MAML3: variants seen among roughly 807,000 people sequenced by gnomAD.
MAML3 encodes mastermind like transcriptional coactivator 3.
MAML3 carries 27 observed loss-of-function variants against 101.9 expected under a neutral mutation model. That is an observed-to-expected ratio of 0.27 (90% CI 0.20 to 0.37). MAML3 has a LOEUF of 0.37. MAML3 is among the 10% of genes least tolerant of loss of function. MAML3 has a pLI of 1.00. For synonymous variants in MAML3, 501 were observed against 555.9 expected, an observed-to-expected ratio of 0.90 and a Z score of 1.39; for missense variants, 1,316 against 1,444.9, an observed-to-expected ratio of 0.91 and a Z score of 1.45.
chr4:139,925,239 G>A (rs1172972823), intron 1 of MAML3, among the ~76,000 whole-genome samples: 2 of 152,000 alleles, frequency 1.3e-5, no homozygotes, highest in East Asian at 3.9e-4. Context: ...TTGTTTGTTT[G>A]TTTGTTTTGA....
At chr4:139,783,278 C>G (rs1236180814) in intron 2 of MAML3, among the ~76,000 whole-genome samples, 1 of 152,214 alleles carries the variant, frequency 6.6e-6, no homozygotes, top group Non-Finnish European at 1.5e-5. Flanking sequence ...TTTCTTTGCT[C>G]TAACCTCATT....
chr4:140,016,026 A>C (rs1229398782), intron 1 of MAML3, among the ~76,000 whole-genome samples: 2 of 152,208 alleles, frequency 1.3e-5, no homozygotes, highest in African/African-American at 2.4e-5. Flanking sequence ...ATGATTGTGT[A>C]AATGGAAAAT....
chr4:140,151,043 G>A (rs1729155253), intron 1 of MAML3, among the ~76,000 whole-genome samples: 1 of 152,086 alleles, frequency 6.6e-6, no homozygotes, highest in African/African-American at 2.4e-5. Flanking sequence ...CAGCCGCGAT[G>A]AAGCGGGCAG....
intron 4 of MAML3, among the ~76,000 whole-genome samples, chr4:139,724,765 C>T (rs1728395984): frequency 7.0e-6 from 1 of 143,116 alleles, no homozygotes; most frequent in African/African-American, 2.5e-5. Flanking sequence ...CATATAAGAC[C>T]CTCAAGGGTC....
At chr4:139,908,086 T>G (rs769584355) in intron 1 of MAML3, among the ~76,000 whole-genome samples, 2 of 152,328 alleles carry the variant, frequency 1.3e-5, no homozygotes, top group Admixed American at 6.5e-5. Context: ...GGAACTCAGT[T>G]AACTATGCTC....
At chr4:139,910,882 T>C (rs1160549571) in intron 1 of MAML3, among the ~76,000 whole-genome samples, 1 of 152,190 alleles carries the variant, frequency 6.6e-6, no homozygotes, top group African/African-American at 2.4e-5. Context: ...TAATTGTGGT[T>C]AAAATATTAG....
At chr4:140,051,088 T>C (rs900937815) in intron 1 of MAML3, among the ~76,000 whole-genome samples, 8 of 152,222 alleles carry the variant, frequency 5.3e-5, no homozygotes, top group African/African-American at 1.7e-4. Context: ...TGGAAGTCAG[T>C]TATACTTCTC....
At chr4:139,760,398 A>G (rs1393094629) in intron 2 of MAML3, among the ~76,000 whole-genome samples, 1 of 152,334 alleles carries the variant, frequency 6.6e-6, no homozygotes, top group East Asian at 1.9e-4. Flanking sequence ...CTTTGGAATC[A>G]GTCTGCTGGG....
intron 2 of MAML3, among the ~76,000 whole-genome samples, chr4:139,748,696 T>C (rs1016627577): frequency 7.2e-5 from 11 of 152,166 alleles, no homozygotes; most frequent in Non-Finnish European, 1.3e-4. Flanking sequence ...AAAAGCACAA[T>C]TGGGGTAAAA....
At chr4:140,091,532 C>CAACAAAAAAAAAAA (rs1560890515) in intron 1 of MAML3, among the ~76,000 whole-genome samples, 1 of 12,082 alleles carries the variant, frequency 8.3e-5, no homozygotes, top group African/African-American at 1.2e-4. Flanking sequence ...AACAAAACAA[C>CAACAAAAAAAAAAA]AAAACAAAAA....
At chr4:139,792,223 A>G (rs1323609127) in intron 2 of MAML3, among the ~76,000 whole-genome samples, 1 of 152,172 alleles carries the variant, frequency 6.6e-6, no homozygotes, top group African/African-American at 2.4e-5. Flanking sequence ...AAGGTTTGAG[A>G]CTCAAACTCA....
At chr4:139,884,002 CTCCCAATT>C (rs1326299915) in intron 2 of MAML3, among the ~76,000 whole-genome samples, 21 of 149,924 alleles carry the variant, frequency 1.4e-4, no homozygotes, top group African/African-American at 5.1e-4. Context: ...CTGCCTCAGA[CTCCCAATT>C]AGCTGGGATT....
rs1731864895 is a variant in MAML3, at chr4:139,864,922, G to GTTT, written c.2079+24434_2079+24435insAAA. 3.0e-3 allele frequency among the ~76,000 whole-genome samples: 31 copies of GTTT among 10,410 alleles called. 6 individuals carry two copies. Among genetic ancestry groups the GTTT allele is most frequent in the African/African-American group, 0.013 (14 of 1,090 alleles). 6.8% of individuals were successfully genotyped at this position (10,410 alleles called of 152,430 possible). A position where few individuals can be genotyped will look rare whatever the true frequency, so the allele number is the denominator to read the frequency against. On this transcript the variant is annotated intron_variant, in intron 2 of 4. Transcript: ENST00000509479. ...TTTAGGAAAATAGTAATGCAAACTT[G>GTTT]CTTTTTTTTTTTTTTTTTTTTTTTT...
At chr4:139,921,586 T>C (rs1733131568) in intron 1 of MAML3, among the ~76,000 whole-genome samples, 1 of 152,068 alleles carries the variant, frequency 6.6e-6, no homozygotes, top group Non-Finnish European at 1.5e-5. Context: ...CATAATGAGA[T>C]ATTAATGAGC....
chr4:140,138,614 G>T (rs529621078), intron 1 of MAML3, among the ~76,000 whole-genome samples: 1 of 152,060 alleles, frequency 6.6e-6, no homozygotes, highest in South Asian at 2.1e-4. Context: ...AAAGACAAAC[G>T]CCACCTGCAT....
chr4:139,826,674 G>A (rs1176948544), intron 2 of MAML3, among the ~76,000 whole-genome samples: 2 of 152,136 alleles, frequency 1.3e-5, no homozygotes, highest in East Asian at 3.8e-4. Context: ...GCCTGCTAGG[G>A]AACCAGCAAG....
At chr4:139,863,272 T>C (rs1731820835) in intron 2 of MAML3, among the ~76,000 whole-genome samples, 1 of 151,924 alleles carries the variant, frequency 6.6e-6, no homozygotes, top group Non-Finnish European at 1.5e-5. Context: ...ATATGGTAAG[T>C]CTTATTCTTT....
intron 2 of MAML3, among the ~76,000 whole-genome samples, chr4:139,863,102 G>T (rs1328354632): frequency 2.1e-5 from 3 of 144,982 alleles, no homozygotes; most frequent in African/African-American, 7.6e-5. Context: ...GCGAGCCAAG[G>T]TTGCGCCACT....
intron 1 of MAML3, among the ~76,000 whole-genome samples, chr4:139,975,708 C>T (rs1734326785): frequency 6.6e-6 from 1 of 151,986 alleles, no homozygotes; most frequent in Non-Finnish European, 1.5e-5. Context: ...TGAATGAAGG[C>T]ATGAATATAA....
Sources: gnomAD v4.1 joint callset for allele counts (sites outside exome capture counted in the v4.1 genomes callset) on GRCh38, gnomAD v4.1.1 for gene constraint, MANE v1.5 for transcripts, NCBI Gene and HGNC (gene_info 2026-07-23, HGNC 2026-07-21) for gene names.